SPATA16: variants seen among roughly 807,000 people sequenced by gnomAD.
SPATA16 encodes the protein spermatogenesis associated 16.
Under a neutral mutation model 63.3 loss-of-function variants are expected in SPATA16, and 36 were observed. That is an observed-to-expected ratio of 0.57 (90% confidence interval 0.44 to 0.75). The LOEUF (loss-of-function observed/expected upper bound fraction) is 0.75. Ranked by LOEUF, SPATA16 falls within the 30% of genes least tolerant of loss-of-function variation. SPATA16 has a pLI of 0.00. For missense variants in SPATA16, 646 were observed against 679.3 expected (o/e 0.95, Z 0.54); for synonymous variants, 203 against 216.7 (o/e 0.94, Z 0.56).
chr3:173,114,729 C>T (rs1246519573), intron 2 of SPATA16, among the ~76,000 whole-genome samples: 4 of 152,102 alleles, frequency 2.6e-5, no homozygotes, highest in Admixed American at 6.5e-5. Flanking sequence ...TGGCTTCTGC[C>T]GTCCATCCTA....
intron 2 of SPATA16, among the ~76,000 whole-genome samples, chr3:173,068,654 C>G (rs1443866575): frequency 6.6e-6 from 1 of 151,890 alleles, no homozygotes; most frequent in Non-Finnish European, 1.5e-5. Flanking sequence ...AAAATGGAAA[C>G]ACAGCTTACT....
chr3:173,069,123 A>AAAAAG (rs1553799224), intron 2 of SPATA16, among the ~76,000 whole-genome samples: 39 of 151,484 alleles, frequency 2.6e-4, no homozygotes, highest in Middle Eastern at 3.4e-3. Context: ...AAAAAAAAAA[A>AAAAAG]AAAGAAAGAA....
intron 7 of SPATA16, 89 bp downstream of exon 7, chr3:172,925,257 A>G: frequency 7.2e-7 from 1 of 1,388,904 alleles, no homozygotes; most frequent in African/African-American, 1.4e-5. Context: ...GAAGATTAGA[A>G]GGAGTTAATT....
intron 5 of SPATA16, among the ~76,000 whole-genome samples, chr3:172,962,989 A>C (rs1201002444): frequency 6.6e-6 from 1 of 152,120 alleles, no homozygotes; most frequent in Admixed American, 6.6e-5. Flanking sequence ...AGATTTTCAT[A>C]AATATGCTAC....
chr3:173,005,406 A>G (rs755404499), intron 4 of SPATA16, among the ~76,000 whole-genome samples: 4 of 151,804 alleles, frequency 2.6e-5, no homozygotes, highest in Non-Finnish European at 5.9e-5. Context: ...GAGATTTAAC[A>G]TGACATTTTG....
chr3:173,034,756 A>T (rs1428158748), intron 3 of SPATA16, among the ~76,000 whole-genome samples: 1 of 152,180 alleles, frequency 6.6e-6, no homozygotes, highest in Non-Finnish European at 1.5e-5. Flanking sequence ...TTTGAATTGG[A>T]TATGGACTTT....
intron 4 of SPATA16, among the ~76,000 whole-genome samples, chr3:173,012,099 ACAGACATGAGT>A (rs746586081): frequency 1.3e-5 from 2 of 152,234 alleles, no homozygotes; most frequent in African/African-American, 2.4e-5. Context: ...TTCCGGGATT[ACAGACATGAGT>A]CACCATGCCT....
intron 2 of SPATA16, among the ~76,000 whole-genome samples, chr3:173,051,374 T>C (rs1393485348): frequency 6.6e-6 from 1 of 151,996 alleles, no homozygotes; most frequent in Non-Finnish European, 1.5e-5. Flanking sequence ...GGCTAATTTT[T>C]TGTATTTTTA....
chr3:173,086,550 G>A (rs1157413385), intron 2 of SPATA16, among the ~76,000 whole-genome samples: 2 of 151,998 alleles, frequency 1.3e-5, no homozygotes, highest in Non-Finnish European at 2.9e-5. Context: ...GTTCTGCTCT[G>A]ATTTTGGTTA....
rs9821037 is a variant in SPATA16, at chr3:173,042,431, G to A, written c.758+6518C>T. On this transcript the variant is annotated intron_variant, in intron 3 of 10. Coordinates refer to ENST00000351008, the MANE Select transcript of SPATA16 (RefSeq NM_031955.6). ...TAGAGATGGGGTTTCACCATTTTGG[G>A]CAGTCTGGTCTTGAACTCCTCCTGA... Among the ~76,000 whole-genome samples the A allele has an allele frequency of 6.3e-3, 956 of 152,052 alleles. 9 individuals are homozygous for A. Among genetic ancestry groups the A allele is most frequent in the African/African-American group, 0.022 (906 of 41,496 alleles).
At chr3:173,124,366 T>C (rs963971305) in intron 1 of SPATA16, among the ~76,000 whole-genome samples, 2 of 152,224 alleles carry the variant, frequency 1.3e-5, no homozygotes, top group Non-Finnish European at 2.9e-5. Context: ...TCAAATGAGA[T>C]GATTTATGTA....
intron 10 of SPATA16, among the ~76,000 whole-genome samples, chr3:172,910,482 T>C (rs1246525837): frequency 6.6e-6 from 1 of 152,194 alleles, no homozygotes; most frequent in Admixed American, 6.5e-5. Flanking sequence ...CTCAGTCAAG[T>C]TGACTTAGAT....
At chr3:173,012,950 G>A (rs1400656320) in intron 4 of SPATA16, among the ~76,000 whole-genome samples, 1 of 152,108 alleles carries the variant, frequency 6.6e-6, no homozygotes, top group Non-Finnish European at 1.5e-5. Context: ...CTTCTGCACA[G>A]CAAAATAAAC....
chr3:173,003,699 G>T (rs574252809), intron 4 of SPATA16, among the ~76,000 whole-genome samples: 14 of 152,308 alleles, frequency 9.2e-5, no homozygotes, highest in Non-Finnish European at 1.8e-4. Context: ...GTTCATACCA[G>T]TGTTTCACTC....
chr3:173,088,277 G>T (rs1404053543), intron 2 of SPATA16, among the ~76,000 whole-genome samples: 4 of 151,382 alleles, frequency 2.6e-5, no homozygotes, highest in Non-Finnish European at 5.9e-5. Flanking sequence ...TAGAGACGGG[G>T]TTTCACCATG....
At chr3:172,959,196 A>G (rs1733678031) in intron 5 of SPATA16, among the ~76,000 whole-genome samples, 1 of 152,178 alleles carries the variant, frequency 6.6e-6, no homozygotes, top group South Asian at 2.1e-4. Flanking sequence ...TTCTTTTCCA[A>G]CTGCTGGCAG....
chr3:173,125,785 A>T (rs1738210914), intron 1 of SPATA16, among the ~76,000 whole-genome samples: 1 of 152,218 alleles, frequency 6.6e-6, no homozygotes, highest in Admixed American at 6.5e-5. Flanking sequence ...CCCCACCAGA[A>T]TGTGAGAGAC....
chr3:172,955,634 T>C (rs1016732958), intron 6 of SPATA16, among the ~76,000 whole-genome samples: 1 of 152,160 alleles, frequency 6.6e-6, no homozygotes, highest in African/African-American at 2.4e-5. Flanking sequence ...ATCTTTCCCT[T>C]GAAGAGCGTG....
intron 5 of SPATA16, among the ~76,000 whole-genome samples, chr3:172,960,911 TCCCTCC>T (rs1733743543): frequency 1.4e-5 from 2 of 148,012 alleles, no homozygotes; most frequent in African/African-American, 5.1e-5. Flanking sequence ...CCTTCCTCCC[TCCCTCC>T]CTTCCTTCCT....
Sources: gnomAD v4.1 joint callset for allele counts (sites outside exome capture counted in the v4.1 genomes callset) on GRCh38, gnomAD v4.1.1 for gene constraint, MANE v1.5 for transcripts, NCBI Gene and HGNC (gene_info 2026-07-23, HGNC 2026-07-21) for gene names.